The following RBM26 variants were observed in gnomAD, a reference collection of about 807,000 sequenced individuals.
RBM26 encodes the protein RNA binding motif protein 26, also known as RNA-binding protein 26.
Under a neutral mutation model 123.6 loss-of-function variants are expected in RBM26, and 30 were observed. The ratio of observed to expected loss-of-function variants is 0.24; its 90% CI spans 0.18 to 0.33. The LOEUF is 0.33. Among genes scored for constraint, RBM26 ranks in the 10% least tolerant of loss-of-function variants. The probability of loss-of-function intolerance (pLI) is 1.00; values close to 1 mark genes in which losing one functional copy is unlikely to be tolerated. For missense variants in RBM26, 947 were observed against 1,203.6 expected, an observed-to-expected ratio of 0.79 and a Z score of 3.15; for synonymous variants, 400 against 404.4, an observed-to-expected ratio of 0.99 and a Z score of 0.13.
intron 13 of RBM26, 114 bp from the exon 14 acceptor site, chr13:79,353,338 C>T: frequency 2.1e-6 from 1 of 480,140 alleles, no homozygotes; most frequent in Non-Finnish European, 3.6e-6. Flanking sequence ...TATACCAATA[C>T]TAACCACAAA....
intron 3 of RBM26, among the ~76,000 whole-genome samples, chr13:79,373,677 C>A (rs1264129585): frequency 1.7e-5 from 1 of 58,954 alleles, no homozygotes. Flanking sequence ...TTATATATTA[C>A]TATATATAAT....
At chr13:79,393,842 G>A (rs977145210) in intron 1 of RBM26, among the ~76,000 whole-genome samples, 5 of 152,142 alleles carry the variant, frequency 3.3e-5, no homozygotes, top group Non-Finnish European at 7.3e-5. Context: ...TGCAGTGCTT[G>A]GGGTTTCCTG....
rs1566507428 is a variant in RBM26, at chr13:79,373,429, A to AT, written c.328-1500_328-1499insA. Among the ~76,000 whole-genome samples the AT allele has an allele frequency of 7.2e-3, 21 of 2,904 alleles. 2 individuals carry two copies. Among genetic ancestry groups the AT allele is most frequent in the African/African-American group, 0.018 (9 of 510 alleles). The allele number at this position is 2,904 out of a possible 152,430, so 1.9% of individuals were successfully genotyped here. On this transcript the variant is annotated intron_variant, in intron 3 of 21. Coordinates refer to ENST00000438737, the MANE Select transcript of RBM26 (RefSeq NM_001366735.2). ...TATATACTATATATAAATAAAATAT[A>AT]AATATATATTATATATTATATATAA... is the stretch of plus-strand genomic sequence containing the variant.
At chr13:79,360,490 A>AATAT (rs141926769) in intron 9 of RBM26, among the ~76,000 whole-genome samples, 92 of 150,030 alleles carry the variant, frequency 6.1e-4, no homozygotes, top group African/African-American at 2.1e-3. Context: ...CCTCACCACA[A>AATAT]ATATATATAT....
At chr13:79,401,718 A>G (rs1394908807) in intron 1 of RBM26, among the ~76,000 whole-genome samples, 1 of 152,208 alleles carries the variant, frequency 6.6e-6, no homozygotes, top group Non-Finnish European at 1.5e-5. Flanking sequence ...GTCCCATTCA[A>G]CCCTTTCAAC....
chr13:79,352,982 A>T (rs1409817224), intron 14 of RBM26, among the ~76,000 whole-genome samples, 171 bp downstream of exon 14: 1 of 149,496 alleles, frequency 6.7e-6, no homozygotes, highest in Non-Finnish European at 1.5e-5. Flanking sequence ...ATGCAAAAGT[A>T]AAAAAAGGAA....
At chr13:79,340,168 T>C (rs890129168) in intron 18 of RBM26, among the ~76,000 whole-genome samples, 1 of 151,950 alleles carries the variant, frequency 6.6e-6, no homozygotes, top group African/African-American at 2.4e-5. Context: ...AAACTTTTTT[T>C]TTTCCCCAAA....
At chr13:79,353,336 T>C in intron 13 of RBM26, 112 bp from the exon 14 acceptor site, 1 of 484,408 alleles carries the variant, frequency 2.1e-6, no homozygotes. Flanking sequence ...AGTATACCAA[T>C]ACTAACCACA....
At chr13:79,339,549 TAACAA>T (rs973735496) in intron 18 of RBM26, among the ~76,000 whole-genome samples, 3 of 152,100 alleles carry the variant, frequency 2.0e-5, no homozygotes, top group African/African-American at 7.2e-5. Context: ...TTTGTCAATA[TAACAA>T]AATAACACGT....
intron 20 of RBM26, among the ~76,000 whole-genome samples, chr13:79,332,457 T>G (rs1398255286): frequency 1.3e-5 from 2 of 152,190 alleles, no homozygotes; most frequent in Non-Finnish European, 2.9e-5. Flanking sequence ...TTGTATAAGA[T>G]AAGCTTCAAC....
At chr13:79,326,566 A>G (rs1337638685) in intron 20 of RBM26, among the ~76,000 whole-genome samples, 1 of 152,230 alleles carries the variant, frequency 6.6e-6, no homozygotes, top group East Asian at 1.9e-4. Flanking sequence ...AAAAACTACC[A>G]AAGTACCAAA....
At chr13:79,322,192 G>A (rs1316220311) in intron 21 of RBM26, 157 bp downstream of exon 21, 20 of 436,002 alleles carry the variant, frequency 4.6e-5, no homozygotes, top group Non-Finnish European at 7.7e-5. Flanking sequence ...TCATTATCCA[G>A]AAAATTTAAA....
chr13:79,380,373 G>A (rs1169642852), intron 1 of RBM26, among the ~76,000 whole-genome samples: 2 of 152,050 alleles, frequency 1.3e-5, no homozygotes, highest in Non-Finnish European at 2.9e-5. Flanking sequence ...TGCCATTTGT[G>A]TTGGGGGAGA....
rs747632845 is a variant in RBM26 at position 79,337,218 on chromosome 13, C to T, written c.2617G>A (p.Gly873Arg). The change falls in exon 19 of 22, where the codon GGG (glycine) becomes AGG (arginine). Residue 873 changes from glycine (G) to arginine (R), a missense_variant. Around this residue, in one of 5 missense-constraint regions of RBM26, gnomAD observed 164 missense variants for 215.3 expected, o/e 0.76. Coordinates refer to ENST00000438737, the MANE Select transcript of RBM26 (RefSeq NM_001366735.2). Reference protein sequence around the residue: ...GRGAVHGRGRGRGRGRGVPGH... With the variant: ...GRGAVHGRGRRRGRGRGVPGH... Reference sequence around the variant, plus strand: ...GGCACACCTCGCCCTCGCCCTCGCCCCCTGCCTCGGCCATGAACTGCACCT... The same window carrying T: ...GGCACACCTCGCCCTCGCCCTCGCCTCCTGCCTCGGCCATGAACTGCACCT... 1.2e-6 allele frequency: 2 copies of T among 1,614,162 alleles called. No homozygotes were observed. The highest frequency in any genetic ancestry group is 1.1e-5 in the South Asian group (1 of 91,080).
intron 1 of RBM26, among the ~76,000 whole-genome samples, chr13:79,379,758 C>A (rs763895694): frequency 3.3e-5 from 5 of 150,370 alleles, no homozygotes; most frequent in Non-Finnish European, 5.9e-5. Flanking sequence ...CAGTTTATCT[C>A]ATCACAAAAA....
chr13:79,377,347 A>C (rs776823469), intron 3 of RBM26, 32 bp downstream of exon 3: 2 of 1,593,382 alleles, frequency 1.3e-6, no homozygotes, highest in South Asian at 2.2e-5. Context: ...ATGTGTTTAA[A>C]TAACCTGTAA....
intron 20 of RBM26, among the ~76,000 whole-genome samples, chr13:79,331,413 G>A (rs2138739735): frequency 6.8e-6 from 1 of 146,994 alleles, no homozygotes; most frequent in Admixed American, 7.0e-5. Flanking sequence ...GAGGTCAGGA[G>A]ATCGAGACCA....
At chr13:79,403,156 C>A (rs1286940158) in intron 1 of RBM26, among the ~76,000 whole-genome samples, 1 of 151,186 alleles carries the variant, frequency 6.6e-6, no homozygotes, top group Non-Finnish European at 1.5e-5. Context: ...CGTTAGAAAC[C>A]ACTGATCCAT....
chr13:79,335,609 A>G (rs527669134), intron 19 of RBM26, among the ~76,000 whole-genome samples: 3 of 152,288 alleles, frequency 2.0e-5, no homozygotes, highest in African/African-American at 7.2e-5. Context: ...CTAAACTTCA[A>G]CTAAACCTGT....
Sources: allele counts gnomAD v4.1 joint callset (sites outside exome capture counted in the v4.1 genomes callset), GRCh38; gene constraint gnomAD v4.1.1; regional missense constraint gnomAD v4.1.1; transcripts MANE v1.5; gene names NCBI Gene and HGNC (gene_info 2026-07-23, HGNC 2026-07-21).